Variants in PPM1L observed in about 807,000 individuals in gnomAD.
PPM1L encodes the protein protein phosphatase 1L.
A neutral mutation model predicts 31.4 loss-of-function variants in PPM1L; 13 were observed. The observed-to-expected ratio is 0.41, with a 90% CI of 0.27 to 0.66. The LOEUF is 0.66. Among genes scored for constraint, PPM1L ranks in the 30% least tolerant of loss-of-function variants. The probability of loss-of-function intolerance (pLI) is 0.29; values close to 1 mark genes in which losing one functional copy is unlikely to be tolerated. For synonymous variants in PPM1L, 184 were observed against 175.4 expected, an observed-to-expected ratio of 1.05 and a Z score of -0.39; for missense variants, 326 against 453.7, an observed-to-expected ratio of 0.72 and a Z score of 2.56.
At chr3:161,015,091 G>T (rs976329907) in intron 2 of PPM1L, among the ~76,000 whole-genome samples, 2 of 150,174 alleles carry the variant, frequency 1.3e-5, no homozygotes, top group African/African-American at 4.9e-5. Flanking sequence ...GCAAAGGGGG[G>T]TGAATGGGAG....
At chr3:160,869,748 A>T (rs1218326298) in intron 1 of PPM1L, among the ~76,000 whole-genome samples, 1 of 151,714 alleles carries the variant, frequency 6.6e-6, no homozygotes, top group African/African-American at 2.4e-5. Flanking sequence ...GTGTGTACAA[A>T]TATTTGTAGG....
intron 2 of PPM1L, among the ~76,000 whole-genome samples, chr3:161,041,966 A>T (rs1718922904): frequency 6.6e-6 from 1 of 152,168 alleles, no homozygotes. Context: ...TTAAGTATGG[A>T]AGATAAAATA....
chr3:161,019,029 T>C lies in PPM1L; in HGVS notation c.575-46374T>C, dbSNP rs1463847294. The stretch of plus-strand genomic sequence containing the variant: ...TTTACTGAATAACTTCTATCTATAT[T>C]CAGCTGAATTGGCTATCCACAGAAA... On this transcript the variant is annotated intron_variant, in intron 2 of 3. Transcript: ENST00000498165. Among the ~76,000 whole-genome samples, 6 of 152,352 alleles carry C rather than the reference T, an allele frequency of 3.9e-5. No individual in the cohort carries two copies. The East Asian group carries it at 7.7e-4, about 20-fold the overall frequency.
intron 2 of PPM1L, among the ~76,000 whole-genome samples, chr3:161,011,576 G>A (rs1002506921): frequency 7.3e-5 from 11 of 151,450 alleles, no homozygotes; most frequent in African/African-American, 1.9e-4. Flanking sequence ...AGCTTGATGG[G>A]GATGGCATTG....
intron 2 of PPM1L, among the ~76,000 whole-genome samples, chr3:160,971,143 C>T (rs995449568): frequency 4.6e-5 from 7 of 152,054 alleles, no homozygotes; most frequent in Admixed American, 6.6e-5. Context: ...TTGAAAGTAC[C>T]GAAACATGTA....
chr3:161,034,005 AAACAAC>A (rs1257096994), intron 2 of PPM1L, among the ~76,000 whole-genome samples: 1 of 152,216 alleles, frequency 6.6e-6, no homozygotes, highest in Non-Finnish European at 1.5e-5. Flanking sequence ...AGAAAAAAGC[AAACAAC>A]CCCATCAAAA....
At chr3:161,028,794 G>A (rs910459269) in intron 2 of PPM1L, among the ~76,000 whole-genome samples, 1 of 152,174 alleles carries the variant, frequency 6.6e-6, no homozygotes, top group Non-Finnish European at 1.5e-5. Context: ...ATTAATAAAA[G>A]CTTATCAGGA....
chr3:161,026,647 G>A (rs528227732), intron 2 of PPM1L, among the ~76,000 whole-genome samples: 250 of 151,540 alleles, frequency 1.6e-3, no homozygotes, highest in African/African-American at 5.8e-3. Context: ...ACAGTGAGCC[G>A]AGACCACGCC....
rs1379137077 is a variant in PPM1L at position 161,070,907 on chromosome 3, G to A, written c.*1750G>A. ...GCACTTAACTTTCTTTGACTGCACT[G>A]AGAATTGCTAATGATTTCCCATGAG... On this transcript the variant is annotated 3_prime_UTR_variant, in exon 4 of 4. Transcript: ENST00000498165. 1 of 152,184 alleles carries A rather than the reference G, an allele frequency of 6.6e-6. No individual in the cohort carries two copies. Among genetic ancestry groups the A allele is most frequent in the Admixed American group, 6.6e-5 (1 of 15,262 alleles). The allele number at this position is 152,184 out of a possible 1,614,324, so 9.4% of individuals were successfully genotyped here.
intron 1 of PPM1L, among the ~76,000 whole-genome samples, chr3:160,900,286 A>G (rs1713496278): frequency 6.6e-6 from 1 of 152,064 alleles, no homozygotes; most frequent in South Asian, 2.1e-4. Flanking sequence ...TTGATTGCTC[A>G]TATGATTGAT....
intron 2 of PPM1L, among the ~76,000 whole-genome samples, chr3:161,029,482 C>T (rs1017414663): frequency 3.9e-5 from 6 of 152,130 alleles, no homozygotes; most frequent in African/African-American, 1.4e-4. Flanking sequence ...TGAATGAAAC[C>T]ACTTTTAAAC....
At chr3:160,904,826 A>G (rs187374593) in intron 1 of PPM1L, among the ~76,000 whole-genome samples, 2 of 152,124 alleles carry the variant, frequency 1.3e-5, no homozygotes, top group Non-Finnish European at 2.9e-5. Flanking sequence ...ATGAGAATCT[A>G]TCTTTCACGA....
At chr3:160,887,122 C>A (rs1712943029) in intron 1 of PPM1L, among the ~76,000 whole-genome samples, 1 of 151,712 alleles carries the variant, frequency 6.6e-6, no homozygotes, top group Admixed American at 6.6e-5. Flanking sequence ...AGTTTTAAGA[C>A]CATCTTGCTT....
chr3:160,849,806 C>A (rs985522109), intron 1 of PPM1L, among the ~76,000 whole-genome samples: 8 of 151,580 alleles, frequency 5.3e-5, no homozygotes, highest in African/African-American at 1.9e-4. Flanking sequence ...CCTCGTGATC[C>A]GCCTGCCTCA....
In PPM1L at chr3:160,974,699, G is replaced by C. The variant is rs546246782; in HGVS notation, c.574+12789G>C. ...TGAGAAGTGTCTGTTCATGTCCTTTGCCCACTTTTTGATGGGGTTGTTTGT... is the reference window on the plus strand; with the variant it reads ...TGAGAAGTGTCTGTTCATGTCCTTTCCCCACTTTTTGATGGGGTTGTTTGT... On this transcript the variant is annotated intron_variant, in intron 2 of 3. Coordinates refer to ENST00000498165, the MANE Select transcript of PPM1L (RefSeq NM_139245.4). 9.8e-3 allele frequency among the ~76,000 whole-genome samples: 1,454 copies of C among 148,020 alleles called. 18 individuals are homozygous for C. Among genetic ancestry groups the C allele is most frequent in the African/African-American group, 0.035 (1,383 of 39,650 alleles).
At chr3:160,802,779 A>G (rs954116153) in intron 1 of PPM1L, among the ~76,000 whole-genome samples, 1 of 152,226 alleles carries the variant, frequency 6.6e-6, no homozygotes, top group Non-Finnish European at 1.5e-5. Context: ...GGCAAAAGCA[A>G]TAAAACTCCT....
chr3:160,964,910 A>T (rs1167927984), intron 2 of PPM1L, among the ~76,000 whole-genome samples: 1 of 152,106 alleles, frequency 6.6e-6, no homozygotes, highest in Non-Finnish European at 1.5e-5. Flanking sequence ...AAAAAACATT[A>T]CTATTTAGCA....
At chr3:160,821,680 A>G (rs1339722133) in intron 1 of PPM1L, among the ~76,000 whole-genome samples, 1 of 152,058 alleles carries the variant, frequency 6.6e-6, no homozygotes, top group East Asian at 1.9e-4. Context: ...TCCACTAGTT[A>G]TGACATATCT....
rs143786804 is a variant in PPM1L at position 160,948,367 on chromosome 3, T to C, written c.400-13369T>C. ...CTTTCAAACCTTGTTTGCATAGTTA[T>C]GCAACACTGCCGGTGATGCTGAGTT... On this transcript the variant is annotated intron_variant, in intron 1 of 3. Coordinates refer to ENST00000498165, the MANE Select transcript of PPM1L (RefSeq NM_139245.4). Among the ~76,000 whole-genome samples the C allele has an allele frequency of 4.7e-3, 716 of 152,334 alleles. 7 individuals carry two copies. Among genetic ancestry groups the C allele is most frequent in the African/African-American group, 0.016 (653 of 41,578 alleles).
Sources: gnomAD v4.1 joint callset for allele counts (sites outside exome capture counted in the v4.1 genomes callset) on GRCh38, gnomAD v4.1.1 for gene constraint, MANE v1.5 for transcripts, NCBI Gene and HGNC (gene_info 2026-07-23, HGNC 2026-07-21) for gene names.